The following RNF217 variants were observed in gnomAD, a reference collection of about 807,000 sequenced individuals.
RNF217 encodes the protein ring finger protein 217, also known as E3 ubiquitin-protein ligase RNF217.
Under a neutral mutation model 57.8 loss-of-function variants are expected in RNF217, and 31 were observed. The ratio of observed to expected loss-of-function variants is 0.54; its 90% CI spans 0.40 to 0.72. RNF217 has a LOEUF of 0.72. Ranked by LOEUF, RNF217 falls within the 30% of genes least tolerant of loss-of-function variation. RNF217 has a pLI of 0.00. For synonymous variants in RNF217, 313 were observed against 294.0 expected (o/e 1.06, Z -0.66); for missense variants, 696 against 708.3 (o/e 0.98, Z 0.20).
Position 125,087,986 on chromosome 6 carries a change from C to T in RNF217, c.*5049C>T, listed in dbSNP as rs998636757. 1.3e-5 allele frequency: 2 copies of T among 149,516 alleles called. No homozygotes were observed. The highest frequency in any genetic ancestry group is 2.5e-5 in the African/African-American group (1 of 39,802). 9.3% of individuals were successfully genotyped at this position (149,516 alleles called of 1,614,324 possible). On this transcript the variant is annotated 3_prime_UTR_variant, in exon 6 of 6. Transcript: ENST00000521654. The stretch of plus-strand genomic sequence containing the variant: ...TATAATTTAATTATGATACTGTCCC[C>T]CTAATATGGAAAATAAGTTACAAAA...
At chr6:125,025,233 A>G (rs1035939139) in intron 1 of RNF217, among the ~76,000 whole-genome samples, 1 of 152,192 alleles carries the variant, frequency 6.6e-6, no homozygotes, top group Non-Finnish European at 1.5e-5. Context: ...CATTTCAAGG[A>G]GGAGGTGAGA....
At chr6:124,966,848 A>C (rs1482650392) in intron 1 of RNF217, among the ~76,000 whole-genome samples, 1 of 152,234 alleles carries the variant, frequency 6.6e-6, no homozygotes, top group Non-Finnish European at 1.5e-5. Context: ...ATTTCAATAT[A>C]GACATAGCAA....
rs1021008657 is a variant in RNF217, at chr6:125,088,093, G to A, written c.*5156G>A. 6.9e-6 allele frequency: 1 copy of A among 145,222 alleles called. No homozygotes were observed. Among genetic ancestry groups the A allele is most frequent in the Admixed American group, 7.0e-5 (1 of 14,216 alleles). The allele number at this position is 145,222 out of a possible 1,614,324, so 9.0% of individuals were successfully genotyped here. Reference sequence around the variant, plus strand: ...TGGTCTCAAACTCTTGGGCTCAAGCGATCCTCCCTCCTCTGCCTCTGGAGT... The same window carrying A: ...TGGTCTCAAACTCTTGGGCTCAAGCAATCCTCCCTCCTCTGCCTCTGGAGT... On this transcript the variant is annotated 3_prime_UTR_variant, in exon 6 of 6. Transcript: ENST00000521654.
chr6:125,006,219 A>AC (rs1785173722), intron 1 of RNF217: 1 of 152,212 alleles, frequency 6.6e-6, no homozygotes, highest in African/African-American at 2.4e-5. Flanking sequence ...TGTTGCAATA[A>AC]ATGAAGAAAA....
intron 1 of RNF217, chr6:124,971,109 C>T (rs985687583): frequency 6.6e-6 from 1 of 152,220 alleles, no homozygotes; most frequent in African/African-American, 2.4e-5. Flanking sequence ...ATAACTTGCC[C>T]AAAATCTCAA....
At chr6:125,075,561 A>G (rs955000621) in intron 3 of RNF217, among the ~76,000 whole-genome samples, 2 of 152,270 alleles carry the variant, frequency 1.3e-5, no homozygotes, top group Admixed American at 6.5e-5. Flanking sequence ...CAAGGGCAGC[A>G]TGAAGGAAAC....
intron 5 of RNF217, chr6:125,082,507 A>C: frequency 6.2e-7 from 1 of 1,612,704 alleles, no homozygotes; most frequent in Non-Finnish European, 8.5e-7. Flanking sequence ...ATCAAACCCA[A>C]CATTTGGCTC....
intron 1 of RNF217, among the ~76,000 whole-genome samples, chr6:125,001,983 T>G (rs1349227647): frequency 6.6e-6 from 1 of 152,236 alleles, no homozygotes; most frequent in African/African-American, 2.4e-5. Flanking sequence ...TTTCTCCACG[T>G]GTATTTTAGG....
At chr6:125,046,102 G>C (rs1033752902) in intron 2 of RNF217, among the ~76,000 whole-genome samples, 5 of 152,072 alleles carry the variant, frequency 3.3e-5, no homozygotes, top group African/African-American at 1.2e-4. Context: ...AGGAGGTGCA[G>C]TTCTCCAGAC....
Position 124,963,267 on chromosome 6 carries a change from A to G in RNF217, c.723A>G (p.Gly241=), listed in dbSNP as rs1582640262. ...CGTTCTCCATGCCCAGCCTGTTGGG[A>G]GCTCCACCCTACTCTGGCCTGGGCG... ...PEPFSMPSLL[G]APPYSGLGGV... The change falls in exon 1 of 6, where the codon GGA becomes GGG. Residue 241 remains glycine, a synonymous_variant. Coordinates refer to ENST00000521654, the MANE Select transcript of RNF217 (RefSeq NM_001286398.3). 6.5e-7 allele frequency: 1 copy of G among 1,535,598 alleles called. No individual in the cohort carries two copies. Among genetic ancestry groups the G allele is most frequent in the Non-Finnish European group, 8.7e-7 (1 of 1,146,822 alleles).
Position 124,962,531 on chromosome 6 carries a change from G to C in RNF217, c.-14G>C. ...CGGCTGGATGGGCAGCGGCGGCGCG[G>C]GCCGCGGGCGGCGATGGGCGAGGAG... On this transcript the variant is annotated 5_prime_UTR_variant, in exon 1 of 6. Transcript: ENST00000521654. The surrounding 1 kb of genome is among the most constrained non-coding windows in gnomAD (Gnocchi z 4.6). 8.6e-7 allele frequency: 1 copy of C among 1,167,486 alleles called. No individual in the cohort carries two copies. The allele number at this position is 1,167,486 out of a possible 1,614,324, so 72.3% of individuals were successfully genotyped here.
chr6:125,073,528 G>A lies in RNF217; in HGVS notation c.1282-3129G>A, dbSNP rs569656362. 2.6e-5 allele frequency among the ~76,000 whole-genome samples: 4 copies of A among 152,166 alleles called. No individual in the cohort carries two copies. The East Asian group carries it at 7.7e-4, about 29-fold the overall frequency. The stretch of plus-strand genomic sequence containing the variant: ...CTGCTACTGGTCTGTCATGTAAAAG[G>A]AAAAAAATCACTATGACTAAAAAAG... On this transcript the variant is annotated intron_variant, in intron 3 of 5. Coordinates refer to ENST00000521654, the MANE Select transcript of RNF217 (RefSeq NM_001286398.3).
intron 1 of RNF217, among the ~76,000 whole-genome samples, chr6:124,988,234 A>G (rs763231514): frequency 6.6e-6 from 1 of 152,136 alleles, no homozygotes; most frequent in Non-Finnish European, 1.5e-5. Context: ...CCATCCATGG[A>G]AGAGTTGTCT....
intron 1 of RNF217, among the ~76,000 whole-genome samples, chr6:125,036,934 CAGAT>C (rs1290537601): frequency 1.3e-5 from 2 of 149,196 alleles, no homozygotes; most frequent in Non-Finnish European, 3.0e-5. Context: ...CAGGAAATAA[CAGAT>C]GGAGAGGAAG....
Position 125,090,525 on chromosome 6 carries a change from G to A in RNF217, c.*7588G>A, listed in dbSNP as rs944115319. ...ATTCGAGTGTTTATCTGTTATTACT[G>A]TATATTCAGAAATTACAGTTCTAAG... On this transcript the variant is annotated 3_prime_UTR_variant, in exon 6 of 6. Transcript: ENST00000521654. The A allele has an allele frequency of 1.3e-5, 2 of 151,608 alleles. No homozygotes were observed. Among genetic ancestry groups the A allele is most frequent in the African/African-American group, 4.8e-5 (2 of 41,422 alleles). The allele number at this position is 151,608 out of a possible 1,614,324, so 9.4% of individuals were successfully genotyped here.
intron 1 of RNF217, among the ~76,000 whole-genome samples, chr6:124,972,407 C>T (rs1783797507): frequency 6.6e-6 from 1 of 152,198 alleles, no homozygotes; most frequent in Non-Finnish European, 1.5e-5. Flanking sequence ...ACTCTCCACA[C>T]ATATGCCAGA....
chr6:125,034,995 G>T (rs545932116), intron 1 of RNF217, among the ~76,000 whole-genome samples: 74 of 152,032 alleles, frequency 4.9e-4, no homozygotes, highest in African/African-American at 1.3e-3. Flanking sequence ...TTGGCTCTCT[G>T]TTTGTCTGTT....
intron 1 of RNF217, among the ~76,000 whole-genome samples, chr6:124,998,811 T>A (rs1296271461): frequency 6.6e-6 from 1 of 152,048 alleles, no homozygotes; most frequent in Non-Finnish European, 1.5e-5. Context: ...AAACAAAAAT[T>A]GTGTAGTAAT....
In RNF217 at chr6:125,085,956, G is replaced by A. The variant is rs1327128394; in HGVS notation, c.*3019G>A. On this transcript the variant is annotated 3_prime_UTR_variant, in exon 6 of 6. Coordinates refer to ENST00000521654, the MANE Select transcript of RNF217 (RefSeq NM_001286398.3). ...TTTATAAATTACTGCATAATCCATTGTAGGAGTATACTTTAACTTATTGAA... is the reference window on the plus strand; with the variant it reads ...TTTATAAATTACTGCATAATCCATTATAGGAGTATACTTTAACTTATTGAA... The A allele has an allele frequency of 1.3e-5, 2 of 151,850 alleles. No individual in the cohort carries two copies. Among genetic ancestry groups the A allele is most frequent in the Non-Finnish European group, 2.9e-5 (2 of 67,856 alleles). The allele number at this position is 151,850 out of a possible 1,614,324, so 9.4% of individuals were successfully genotyped here. A position where few individuals can be genotyped will look rare whatever the true frequency, so the allele number is the denominator to read the frequency against.
Sources: allele counts gnomAD v4.1 joint callset (sites outside exome capture counted in the v4.1 genomes callset), GRCh38; gene constraint gnomAD v4.1.1; non-coding constraint Gnocchi (gnomAD v3.1); transcripts MANE v1.5; gene names NCBI Gene and HGNC (gene_info 2026-07-23, HGNC 2026-07-21).